The following FOXP2 variants were observed in gnomAD, a reference collection of about 807,000 sequenced individuals.
FOXP2 encodes forkhead box P2, also known as forkhead box protein P2.
A neutral mutation model predicts 115.8 loss-of-function variants in FOXP2; 12 were observed. The ratio of observed to expected loss-of-function variants is 0.10; its 90% CI spans 0.07 to 0.17. The LOEUF is 0.17. Ranked by LOEUF, FOXP2 falls within the 10% of genes least tolerant of loss-of-function variation. The pLI is 1.00. For missense variants in FOXP2, 629 were observed against 843.5 expected (o/e 0.75, Z 3.15); for synonymous variants, 328 against 297.7 (o/e 1.10, Z -1.05).
Position 114,200,897 on chromosome 7 carries a change from G to A in FOXP2, c.-102+37809G>A, listed in dbSNP as rs549322072. On this transcript the variant is annotated intron_variant, in intron 1 of 17. Coordinates refer to the FOXP2 transcript ENST00000634411. ...TGGTCTGGCCCATTGGCTCACGCCC[G>A]TAATCCCAGCACTTTGGGAGGCTGA... Among the ~76,000 whole-genome samples the A allele has an allele frequency of 9.2e-5, 14 of 152,294 alleles. No homozygotes were observed. In the South Asian group the frequency reaches 1.4e-3, roughly 16 times the overall value.
At chr7:114,311,296 G>A (rs1257734787) in intron 2 of FOXP2, among the ~76,000 whole-genome samples, 1 of 152,068 alleles carries the variant, frequency 6.6e-6, no homozygotes, top group Admixed American at 6.6e-5. Flanking sequence ...AGATTCTTTG[G>A]GGAAATGGAT....
At chr7:114,342,887 TAAAGA>T (rs761210100) in intron 2 of FOXP2, among the ~76,000 whole-genome samples, 37 of 151,542 alleles carry the variant, frequency 2.4e-4, no homozygotes, top group Non-Finnish European at 3.0e-4. Context: ...CCAATTTACT[TAAAGA>T]AAAGTTTACT....
chr7:114,325,838 T>G (rs1797544170), intron 2 of FOXP2, among the ~76,000 whole-genome samples: 1 of 152,014 alleles, frequency 6.6e-6, no homozygotes, highest in East Asian at 1.9e-4. Flanking sequence ...ATGAATGCTA[T>G]GTATAAAAAA....
chr7:114,367,967 A>G lies in FOXP2; in HGVS notation c.-10-58535A>G, dbSNP rs533165017. 2.0e-5 allele frequency among the ~76,000 whole-genome samples: 3 copies of G among 152,328 alleles called. No homozygotes were observed. In the South Asian group the frequency reaches 6.2e-4, roughly 32 times the overall value. ...TGAAAAATATCTGGTTCTCATAAAA[A>G]TTAAGTACTACACAGAAATTAGTGA... On this transcript the variant is annotated intron_variant, in intron 2 of 17. Transcript: ENST00000634411.
At chr7:114,520,678 A>G (rs1798579445) in intron 2 of FOXP2, among the ~76,000 whole-genome samples, 1 of 152,152 alleles carries the variant, frequency 6.6e-6, no homozygotes, top group Admixed American at 6.6e-5. Flanking sequence ...ATAGACAGAT[A>G]TTAGATATGT....
chr7:114,397,748 G>A lies in FOXP2; in HGVS notation c.-10-28754G>A, dbSNP rs541104515. The stretch of plus-strand genomic sequence containing the variant: ...TCTTGGTACAGTGGACTGCCATGGA[G>A]GGTTTTCAGCAGGAGACTGACTCAA... On this transcript the variant is annotated intron_variant, in intron 2 of 17. Coordinates refer to the FOXP2 transcript ENST00000634411. Among the ~76,000 whole-genome samples the A allele has an allele frequency of 7.9e-5, 12 of 152,308 alleles. 1 individual carries two copies. The South Asian group carries it at 2.3e-3, about 29-fold the overall frequency.
chr7:114,173,433 T>G (rs1005471740), intron 1 of FOXP2, among the ~76,000 whole-genome samples: 1 of 151,696 alleles, frequency 6.6e-6, no homozygotes, highest in Non-Finnish European at 1.5e-5. Context: ...TTCAGGTGGT[T>G]AATTTTCCCA....
At chr7:114,378,689 A>AAAAAAAAAAAAAAAAAAAAAAAAAG (rs1792201521) in intron 2 of FOXP2, among the ~76,000 whole-genome samples, 1 of 144,800 alleles carries the variant, frequency 6.9e-6, no homozygotes, top group African/African-American at 2.5e-5. Context: ...GTCTCCAAAA[A>AAAAAAAAAAAAAAAAAAAAAAAAAG]AAAAAAAAAA....
rs1328941649 is a variant in FOXP2, at chr7:114,347,272, TGTATG to T, written c.-11+59164_-11+59168del. On this transcript the variant is annotated intron_variant, in intron 2 of 17. Transcript: ENST00000634411. ...GGCTTCCTTTGAAGGATAAGGTACA[TGTATG>T]TATGTATGTATGTGTATCCATATGT... Among the ~76,000 whole-genome samples the T allele has an allele frequency of 2.0e-5, 3 of 152,028 alleles. No individual in the cohort carries two copies. In the South Asian group the frequency reaches 6.2e-4, roughly 32 times the overall value.
intron 3 of FOXP2, among the ~76,000 whole-genome samples, chr7:114,604,947 T>C (rs1424582209): frequency 6.6e-6 from 1 of 152,176 alleles, no homozygotes; most frequent in African/African-American, 2.4e-5. Context: ...CTTTCACATA[T>C]CTTGATCTTT....
At chr7:114,098,095 A>G (rs1333894531) in intron 1 of FOXP2, among the ~76,000 whole-genome samples, 1 of 152,234 alleles carries the variant, frequency 6.6e-6, no homozygotes, top group African/African-American at 2.4e-5. Flanking sequence ...AATAAAATAT[A>G]TAGACAGGCT....
intron 2 of FOXP2, chr7:114,499,002 C>T (rs534354267): frequency 1.4e-5 from 10 of 713,284 alleles, no homozygotes; most frequent in African/African-American, 5.2e-5. Context: ...ACAGCATCAC[C>T]GGGAACTTGT....
chr7:114,346,117 G>A (rs1282505412), intron 2 of FOXP2, among the ~76,000 whole-genome samples: 1 of 151,714 alleles, frequency 6.6e-6, no homozygotes, highest in East Asian at 1.9e-4. Flanking sequence ...AAGCAATTAT[G>A]ATGTAGACAG....
At chr7:114,477,228 T>G (rs958512034) in intron 2 of FOXP2, among the ~76,000 whole-genome samples, 2 of 151,988 alleles carry the variant, frequency 1.3e-5, no homozygotes, top group African/African-American at 4.8e-5. Flanking sequence ...GTTACGCTAT[T>G]CACAAAAGCA....
chr7:114,560,580 C>T (rs1800712414), intron 3 of FOXP2, among the ~76,000 whole-genome samples: 1 of 152,146 alleles, frequency 6.6e-6, no homozygotes, highest in South Asian at 2.1e-4. Context: ...TGTGCCACTG[C>T]ACACCAGCCT....
chr7:114,629,415 A>T (rs1015398818), intron 4 of FOXP2, among the ~76,000 whole-genome samples: 1 of 152,194 alleles, frequency 6.6e-6, no homozygotes, highest in Non-Finnish European at 1.5e-5. Flanking sequence ...CTGATGGATT[A>T]AGTTTTTTCC....
At chr7:114,186,084 G>A (rs1172671949) in intron 1 of FOXP2, among the ~76,000 whole-genome samples, 1 of 151,896 alleles carries the variant, frequency 6.6e-6, no homozygotes, top group African/African-American at 2.4e-5. Context: ...CCTCTTAAAG[G>A]CCACACCTCT....
chr7:114,430,044 T>G (rs965724542), intron 2 of FOXP2, among the ~76,000 whole-genome samples: 1 of 151,732 alleles, frequency 6.6e-6, no homozygotes, highest in South Asian at 2.1e-4. Flanking sequence ...TAAGTCCAGC[T>G]GGTCTCATTC....
intron 2 of FOXP2, among the ~76,000 whole-genome samples, chr7:114,508,060 C>A (rs1797909441): frequency 6.6e-6 from 1 of 151,894 alleles, no homozygotes; most frequent in Non-Finnish European, 1.5e-5. Flanking sequence ...ATAAATAGGA[C>A]ATATTTCTCA....
Sources: gnomAD v4.1 joint callset for allele counts (sites outside exome capture counted in the v4.1 genomes callset) on GRCh38, gnomAD v4.1.1 for gene constraint, MANE v1.5 for transcripts, NCBI Gene and HGNC (gene_info 2026-07-23, HGNC 2026-07-21) for gene names.